VTI1A: variants seen among roughly 807,000 people sequenced by gnomAD.
VTI1A encodes the protein vesicle transport through interaction with t-SNAREs homolog 1A.
In VTI1A, 22 loss-of-function variants were observed where a neutral mutation model predicts 34.9. The ratio of observed to expected loss-of-function variants is 0.63; its 90% CI spans 0.45 to 0.90. VTI1A has a LOEUF of 0.90. VTI1A is among the 40% of genes least tolerant of loss of function. The probability of loss-of-function intolerance (pLI) is 0.00; values close to 1 mark genes in which losing one functional copy is unlikely to be tolerated. For missense variants in VTI1A, 268 were observed against 275.6 expected, an observed-to-expected ratio of 0.97 and a Z score of 0.20; for synonymous variants, 87 against 97.3, an observed-to-expected ratio of 0.89 and a Z score of 0.62.
chr10:112,519,179 A>G (rs1329900661), intron 3 of VTI1A, among the ~76,000 whole-genome samples: 1 of 152,114 alleles, frequency 6.6e-6, no homozygotes, highest in African/African-American at 2.4e-5. Context: ...TGCCTATGAG[A>G]TGGCTGATTC....
chr10:112,695,582 A>G (rs1398721527), intron 7 of VTI1A, among the ~76,000 whole-genome samples: 4 of 152,214 alleles, frequency 2.6e-5, no homozygotes, highest in African/African-American at 7.2e-5. Flanking sequence ...GCTTTTGCAA[A>G]TATGGCGCCA....
chr10:112,515,526 G>C (rs1170343219), intron 3 of VTI1A, among the ~76,000 whole-genome samples: 2 of 151,926 alleles, frequency 1.3e-5, no homozygotes, highest in African/African-American at 4.8e-5. Context: ...TGTTCTTTAT[G>C]GATATTGAAG....
At chr10:112,531,580 C>T (rs1380743699) in intron 4 of VTI1A, among the ~76,000 whole-genome samples, 1 of 151,898 alleles carries the variant, frequency 6.6e-6, no homozygotes, top group Non-Finnish European at 1.5e-5. Flanking sequence ...CCATGCAGCA[C>T]AAACAAGATA....
At chr10:112,642,943 T>C (rs957068374) in intron 5 of VTI1A, among the ~76,000 whole-genome samples, 2 of 151,810 alleles carry the variant, frequency 1.3e-5, no homozygotes, top group Admixed American at 6.6e-5. Flanking sequence ...TCCCTGTGCA[T>C]AATTATCTGA....
At chr10:112,717,744 A>G (rs1423006841) in intron 7 of VTI1A, among the ~76,000 whole-genome samples, 1 of 152,182 alleles carries the variant, frequency 6.6e-6, no homozygotes, top group Non-Finnish European at 1.5e-5. Flanking sequence ...TCAGCAAGAC[A>G]GTCGCAAGGG....
chr10:112,594,507 A>G (rs1844540773), intron 5 of VTI1A, among the ~76,000 whole-genome samples: 1 of 152,094 alleles, frequency 6.6e-6, no homozygotes. Context: ...AAGCATTCTT[A>G]TACACCAATA....
intron 7 of VTI1A, among the ~76,000 whole-genome samples, chr10:112,716,337 G>A (rs1849613627): frequency 6.6e-6 from 1 of 152,190 alleles, no homozygotes; most frequent in Admixed American, 6.5e-5. Flanking sequence ...TGGAACACAT[G>A]CTGTTGAGAC....
At chr10:112,727,150 C>T (rs539730736) in intron 7 of VTI1A, among the ~76,000 whole-genome samples, 1 of 152,168 alleles carries the variant, frequency 6.6e-6, no homozygotes, top group African/African-American at 2.4e-5. Context: ...AAGGCCCCCC[C>T]ATCAGTTGTC....
chr10:112,646,296 A>G (rs1425971850), intron 5 of VTI1A, among the ~76,000 whole-genome samples: 1 of 152,200 alleles, frequency 6.6e-6, no homozygotes, highest in Non-Finnish European at 1.5e-5. Flanking sequence ...TTGTTTCCAT[A>G]GGTTCTTACC....
intron 7 of VTI1A, among the ~76,000 whole-genome samples, chr10:112,800,922 C>A (rs1394335227): frequency 6.6e-6 from 1 of 152,150 alleles, no homozygotes; most frequent in Non-Finnish European, 1.5e-5. Flanking sequence ...CAATGCTGTA[C>A]AACTGGTGTG....
chr10:112,605,630 G>A lies in VTI1A; in HGVS notation c.428-62588G>A, dbSNP rs536716692. Among the ~76,000 whole-genome samples, 5 of 152,298 alleles carry A rather than the reference G, an allele frequency of 3.3e-5. No individual in the cohort carries two copies. In the East Asian group the frequency reaches 7.7e-4, roughly 24 times the overall value. On this transcript the variant is annotated intron_variant, in intron 5 of 7. Transcript: ENST00000393077. ...AAATGCCTTGTGTAAGACAGATGGA[G>A]TGAAAGACAGTAGGCATTTTCCTTG...
the VTI1A span, among the ~76,000 whole-genome samples, chr10:112,838,295 A>G: frequency 6.6e-6 from 1 of 152,232 alleles, no homozygotes; most frequent in Admixed American, 6.5e-5. Flanking sequence ...GGTCAGAGCC[A>G]GAGACTACTG....
chr10:112,749,927 A>G (rs1466307477), intron 7 of VTI1A, among the ~76,000 whole-genome samples: 2 of 152,244 alleles, frequency 1.3e-5, no homozygotes, highest in African/African-American at 4.8e-5. Flanking sequence ...GCACACATAT[A>G]TGCAGTTTGA....
intron 7 of VTI1A, 24 bp from the exon 8 acceptor site, chr10:112,815,266 T>A: frequency 6.2e-7 from 1 of 1,606,088 alleles, no homozygotes; most frequent in Non-Finnish European, 8.5e-7. Flanking sequence ...CTGTGTGTGT[T>A]TTTTCTCCTT....
At chr10:112,666,837 T>A (rs1040848357) in intron 5 of VTI1A, among the ~76,000 whole-genome samples, 1 of 152,176 alleles carries the variant, frequency 6.6e-6, no homozygotes, top group African/African-American at 2.4e-5. Flanking sequence ...CTTATTATTG[T>A]TGTAGGCTAG....
At chr10:112,630,376 A>C (rs1461236456) in intron 5 of VTI1A, among the ~76,000 whole-genome samples, 2 of 152,194 alleles carry the variant, frequency 1.3e-5, no homozygotes, top group Non-Finnish European at 2.9e-5. Flanking sequence ...AGGAAATTTT[A>C]GGTATGCTCT....
chr10:112,548,660 G>T, intron 5 of VTI1A: 1 of 1,139,174 alleles, frequency 8.8e-7, no homozygotes, highest in Non-Finnish European at 1.3e-6. Flanking sequence ...GGAAGACTTG[G>T]TGACTTTGCC....
At chr10:112,712,714 C>G (rs568775857) in intron 7 of VTI1A, among the ~76,000 whole-genome samples, 1 of 152,214 alleles carries the variant, frequency 6.6e-6, no homozygotes, top group Non-Finnish European at 1.5e-5. Flanking sequence ...TCCACTTGTA[C>G]TTCACTTTCC....
intron 3 of VTI1A, among the ~76,000 whole-genome samples, chr10:112,507,681 C>T (rs566481518): frequency 6.6e-6 from 1 of 152,278 alleles, no homozygotes; most frequent in African/African-American, 2.4e-5. Flanking sequence ...TCTCACATGA[C>T]CCAGGGGGCA....
Sources: gnomAD v4.1 joint callset for allele counts (sites outside exome capture counted in the v4.1 genomes callset) on GRCh38, gnomAD v4.1.1 for gene constraint, MANE v1.5 for transcripts, NCBI Gene and HGNC (gene_info 2026-07-23, HGNC 2026-07-21) for gene names.